INTS2: variants seen among roughly 807,000 people sequenced by gnomAD.
The protein encoded by INTS2 is integrator complex subunit 2.
A neutral mutation model predicts 139.6 loss-of-function variants in INTS2; 57 were observed. That is an observed-to-expected ratio of 0.41 (90% CI 0.33 to 0.51). The LOEUF (loss-of-function observed/expected upper bound fraction) is 0.51. Ranked by LOEUF, INTS2 falls within the 20% of genes least tolerant of loss-of-function variation. The pLI is 0.28. For missense variants in INTS2, 1,196 were observed against 1,436.7 expected (o/e 0.83, Z 2.71); for synonymous variants, 473 against 493.4 (o/e 0.96, Z 0.55).
At chr17:61,907,374 T>C (rs2143081886) in intron 8 of INTS2, 34 bp downstream of exon 8, 1 of 1,510,306 alleles carries the variant, frequency 6.6e-7, no homozygotes, top group Non-Finnish European at 9.0e-7. Flanking sequence ...GAAGGTAAAA[T>C]GACAAAAAGG....
rs1474567422 is a variant in INTS2, at chr17:61,876,526, T to C, written c.2456+1361A>G. On this transcript the variant is annotated intron_variant, in intron 18 of 24. Coordinates refer to ENST00000251334, the MANE Select transcript of INTS2 (RefSeq NM_001351695.2). The surrounding 1 kb of genome is among the most constrained non-coding windows in gnomAD (Gnocchi z 4.1). ...CGATCTCACCTCACTGAAGCCTCCA[T>C]CTCCTGGGCTCAAGCGATCGTCCTG... Among the ~76,000 whole-genome samples, 1 of 151,850 alleles carries C rather than the reference T, an allele frequency of 6.6e-6. No individual in the cohort carries two copies. The highest frequency in any genetic ancestry group is 1.5e-5 in the Non-Finnish European group (1 of 67,942).
At chr17:61,902,833 G>A (rs931342051) in intron 9 of INTS2, among the ~76,000 whole-genome samples, 1 of 143,516 alleles carries the variant, frequency 7.0e-6, no homozygotes, top group African/African-American at 2.6e-5. Context: ...TTGTGCCATA[G>A]CACTACAGCC....
At chr17:61,917,528 A>G (rs1269426461) in intron 5 of INTS2, among the ~76,000 whole-genome samples, 1 of 152,216 alleles carries the variant, frequency 6.6e-6, no homozygotes, top group South Asian at 2.1e-4. Context: ...TAACACAGAA[A>G]CAGAAAACCA....
Position 61,871,427 on chromosome 17 carries a change from A to C in INTS2, c.2778+838T>G, listed in dbSNP as rs572863092. ...ATGAGCAACCATGCCTGGCCAAAAA[A>C]CTTTTCTAAATATAAAGTTGAACTG... On this transcript the variant is annotated intron_variant, in intron 20 of 24. Coordinates refer to ENST00000251334, the MANE Select transcript of INTS2 (RefSeq NM_001351695.2). The surrounding 1 kb of genome is among the most constrained non-coding windows in gnomAD (Gnocchi z 4.9). Among the ~76,000 whole-genome samples, 59 of 152,196 alleles carry C rather than the reference A, an allele frequency of 3.9e-4. 1 individual carries two copies. Among genetic ancestry groups the C allele is most frequent in the African/African-American group, 1.4e-3 (59 of 41,506 alleles).
rs557482625 is a variant in INTS2, at chr17:61,909,473, T to C, written c.955-1839A>G. ...AGTTTTGTTACATGAATCTATTGCA[T>C]AGAAGTCTGGGCTGTTGGTGTAGTC... On this transcript the variant is annotated intron_variant, in intron 7 of 24. Transcript: ENST00000251334. The surrounding 1 kb of genome is among the most constrained non-coding windows in gnomAD (Gnocchi z 4.9). Among the ~76,000 whole-genome samples the C allele has an allele frequency of 2.0e-5, 3 of 152,300 alleles. No homozygotes were observed. Among genetic ancestry groups the C allele is most frequent in the Admixed American group, 6.5e-5 (1 of 15,290 alleles).
Position 61,907,588 on chromosome 17 carries a change from T to C in INTS2, c.1001A>G (p.Gln334Arg), listed in dbSNP as rs2079479221. ...SSSVLWQMRRQLLLELMGILP... is the reference protein window; with the variant it reads ...SSSVLWQMRRRLLLELMGILP... The stretch of plus-strand genomic sequence containing the variant: ...AATGCCCATCAACTCCAGAAGAAGC[T>C]GCCTTCTCATCTGCCAAAGGACAGA... The change falls in exon 8 of 25, where the codon CAG becomes CGG. Residue 334 changes from glutamine (Q) to arginine (R), a missense_variant. By Grantham distance (43) the Gln-to-Arg change is conservative (BLOSUM62 1). Around this residue, in one of 3 missense-constraint regions of INTS2, gnomAD observed 1,129 missense variants for 1,341.9 expected, o/e 0.84. Coordinates refer to ENST00000251334, the MANE Select transcript of INTS2 (RefSeq NM_001351695.2). 5 of 1,592,382 alleles carry C rather than the reference T, an allele frequency of 3.1e-6. No homozygotes were observed. The South Asian group carries it at 3.4e-5, about 11-fold the overall frequency.
Position 61,927,864 on chromosome 17 carries a change from C to T in INTS2, c.-229G>A, listed in dbSNP as rs1165261405. On this transcript the variant is annotated 5_prime_UTR_variant, in exon 1 of 25. Transcript: ENST00000251334. ...CGATACAAAGTGGGAAGGATGGGGG[C>T]ACCACACAAAGGCAGAACCGGGACT... 1.2e-6 allele frequency: 2 copies of T among 1,613,720 alleles called. No homozygotes were observed. Among genetic ancestry groups the T allele is most frequent in the African/African-American group, 1.3e-5 (1 of 74,894 alleles).
rs937773100 is a variant in INTS2 at position 61,899,514 on chromosome 17, A to C, written c.1308-1775T>G. On this transcript the variant is annotated intron_variant, in intron 9 of 24. Transcript: ENST00000251334. The stretch of plus-strand genomic sequence containing the variant: ...GTGATCCACCCACCTTGGCCTCCCA[A>C]AGTGCTGGGATTACAGGCATGAGCC... Among the ~76,000 whole-genome samples the C allele has an allele frequency of 2.0e-5, 3 of 152,110 alleles. No individual in the cohort carries two copies. The East Asian group carries it at 5.8e-4, about 29-fold the overall frequency.
Position 61,907,464 on chromosome 17 carries a change from C to T in INTS2, c.1125G>A (p.Val375=). The change falls in exon 8 of 25, where the codon GTG becomes GTA. Residue 375 remains valine, a synonymous_variant. Transcript: ENST00000251334. The part of the protein sequence containing the change: ...VYSGLKEEHV[V]KASALLRLYC... ...ACAGACGTAAGAGTGCACTGGCTTTCACAACATGCTCTTCTTTCAGCCCCG... is the reference window on the plus strand; with the variant it reads ...ACAGACGTAAGAGTGCACTGGCTTTTACAACATGCTCTTCTTTCAGCCCCG... 1.2e-6 allele frequency: 2 copies of T among 1,602,692 alleles called. No homozygotes were observed. Among genetic ancestry groups the T allele is most frequent in the Non-Finnish European group, 1.7e-6 (2 of 1,174,794 alleles).
chr17:61,919,007 C>G (rs966449385), intron 5 of INTS2, among the ~76,000 whole-genome samples: 1 of 151,398 alleles, frequency 6.6e-6, no homozygotes, highest in African/African-American at 2.4e-5. Flanking sequence ...TCACTGCAAC[C>G]TCCACCTCCC....
rs2079498274 is a variant in INTS2, at chr17:61,909,282, T to C, written c.955-1648A>G. On this transcript the variant is annotated intron_variant, in intron 7 of 24. Coordinates refer to ENST00000251334, the MANE Select transcript of INTS2 (RefSeq NM_001351695.2). The surrounding 1 kb of genome is among the most constrained non-coding windows in gnomAD (Gnocchi z 4.9). ...ACGCACATCACGCTCAGCTAATTTT[T>C]GTATTTTTAGTAGAGACAGGGTTTC... Among the ~76,000 whole-genome samples the C allele has an allele frequency of 6.6e-6, 1 of 152,230 alleles. No homozygotes were observed. Among genetic ancestry groups the C allele is most frequent in the African/African-American group, 2.4e-5 (1 of 41,546 alleles).
Position 61,875,882 on chromosome 17 carries a change from C to T in INTS2, c.2457-844G>A, listed in dbSNP as rs1015500310. On this transcript the variant is annotated intron_variant, in intron 18 of 24. Coordinates refer to ENST00000251334, the MANE Select transcript of INTS2 (RefSeq NM_001351695.2). The surrounding 1 kb of genome is among the most constrained non-coding windows in gnomAD (Gnocchi z 4.6). ...AAAGAGCTCTTAGAATTAAGAAGAA[C>T]AGGGCCTGACACAGTGGCTCACACC... 6.6e-6 allele frequency among the ~76,000 whole-genome samples: 1 copy of T among 152,042 alleles called. No individual in the cohort carries two copies. The highest frequency in any genetic ancestry group is 2.4e-5 in the African/African-American group (1 of 41,398).
chr17:61,890,317 T>A (rs974453204), intron 14 of INTS2, among the ~76,000 whole-genome samples: 4 of 152,126 alleles, frequency 2.6e-5, no homozygotes, highest in African/African-American at 4.8e-5. Context: ...TTCATCAAAT[T>A]TTCCCTGAAT....
chr17:61,909,777 G>A lies in INTS2; in HGVS notation c.954+1743C>T, dbSNP rs1054450359. On this transcript the variant is annotated intron_variant, in intron 7 of 24. Transcript: ENST00000251334. This position sits in a 1 kb window ranked among gnomAD's most constrained non-coding sequence, Gnocchi z 4.9. Reference sequence around the variant, plus strand: ...TTGAGTTGTATTCCATGGTGTGTGTGTTTGTGTGTGTGTATACATATATAC... The same window carrying A: ...TTGAGTTGTATTCCATGGTGTGTGTATTTGTGTGTGTGTATACATATATAC... Among the ~76,000 whole-genome samples the A allele has an allele frequency of 6.9e-6, 1 of 145,172 alleles. No individual in the cohort carries two copies. Among genetic ancestry groups the A allele is most frequent in the Non-Finnish European group, 1.5e-5 (1 of 65,898 alleles).
rs1216126703 is a variant in INTS2, at chr17:61,868,728, G to T, written c.3244+306C>A. On this transcript the variant is annotated intron_variant, in intron 23 of 24. Coordinates refer to ENST00000251334, the MANE Select transcript of INTS2 (RefSeq NM_001351695.2). This position sits in a 1 kb window ranked among gnomAD's most constrained non-coding sequence, Gnocchi z 4.7. ...CTACTGATACAATTACATTCTGAAA[G>T]TGTATTTGTTTTCCATTTATAAAAT... is the stretch of plus-strand genomic sequence containing the variant. Among the ~76,000 whole-genome samples, 1 of 152,076 alleles carries T rather than the reference G, an allele frequency of 6.6e-6. No individual in the cohort carries two copies. Among genetic ancestry groups the T allele is most frequent in the Non-Finnish European group, 1.5e-5 (1 of 67,968 alleles).
At chr17:61,900,211 C>T (rs533881936) in intron 9 of INTS2, among the ~76,000 whole-genome samples, 5 of 152,290 alleles carry the variant, frequency 3.3e-5, no homozygotes, top group African/African-American at 9.6e-5. Context: ...TTTTATACCA[C>T]GGAATTCCCA....
At chr17:61,898,168 T>C (rs551719231) in intron 9 of INTS2, among the ~76,000 whole-genome samples, 1 of 152,320 alleles carries the variant, frequency 6.6e-6, no homozygotes, top group East Asian at 1.9e-4. Flanking sequence ...CAGTCCATCT[T>C]CTGGAAAAAT....
At position 61,869,932 on chromosome 17, in the gene INTS2, T is replaced by C; in HGVS notation, c.2835A>G (p.Lys945=). ...LEICLPTEEE[K]ANGVNPDSLL... ...AGCTATCTGGATTGACACCATTTGC[T>C]TTCTCCTCTTCAGTAGGTAGGCAAA... is the stretch of plus-strand genomic sequence containing the variant. The change falls in exon 21 of 25, where the codon AAA becomes AAG. Residue 945 remains lysine, a synonymous_variant. Coordinates refer to ENST00000251334, the MANE Select transcript of INTS2 (RefSeq NM_001351695.2). The surrounding 1 kb of genome is among the most constrained non-coding windows in gnomAD (Gnocchi z 5.4). 1 of 1,613,818 alleles carries C rather than the reference T, an allele frequency of 6.2e-7. No homozygotes were observed. The highest frequency in any genetic ancestry group is 1.1e-5 in the South Asian group (1 of 91,072).
At chr17:61,923,318 A>C (rs1001287033) in intron 3 of INTS2, among the ~76,000 whole-genome samples, 4 of 151,332 alleles carry the variant, frequency 2.6e-5, no homozygotes, top group Non-Finnish European at 4.4e-5. Context: ...TCTACTAAAA[A>C]TACAAAAGAT....
Sources: gnomAD v4.1 joint callset for allele counts (sites outside exome capture counted in the v4.1 genomes callset) on GRCh38, gnomAD v4.1.1 for gene constraint, gnomAD v4.1.1 regional missense constraint, Gnocchi (gnomAD v3.1) non-coding constraint, MANE v1.5 for transcripts, NCBI Gene and HGNC (gene_info 2026-07-23, HGNC 2026-07-21) for gene names.